PRKCG: variants seen among roughly 807,000 people sequenced by gnomAD.
The protein encoded by PRKCG is protein kinase C gamma type.
A neutral mutation model predicts 82.0 loss-of-function variants in PRKCG; 28 were observed. The observed-to-expected ratio is 0.34, with a 90% CI of 0.25 to 0.47. The LOEUF is 0.47. Among genes scored for constraint, PRKCG ranks in the 20% least tolerant of loss-of-function variants. The pLI, the probability that PRKCG is intolerant of heterozygous loss-of-function variation, is 1.00. For missense variants in PRKCG, 640 were observed against 952.7 expected, an observed-to-expected ratio of 0.67 and a Z score of 4.32; for synonymous variants, 383 against 376.6, an observed-to-expected ratio of 1.02 and a Z score of -0.20.
chr19:53,881,487 G>A (rs150941755), upstream of PRKCG, among the ~76,000 whole-genome samples: 2 of 151,902 alleles, frequency 1.3e-5, no homozygotes, highest in African/African-American at 4.8e-5. Flanking sequence ...AGACAGAGGC[G>A]GAAGAATTTA....
intron 3 of PRKCG, among the ~76,000 whole-genome samples, chr19:53,888,470 A>G (rs2068648257): frequency 6.6e-6 from 1 of 152,158 alleles, no homozygotes; most frequent in Non-Finnish European, 1.5e-5. Flanking sequence ...TTCAAAATAT[A>G]GATTATTTAT....
At position 53,892,553 on chromosome 19, in the gene PRKCG, T is replaced by C; in HGVS notation, c.731T>C (p.Val244Ala). 2 of 1,613,062 alleles carry C rather than the reference T, an allele frequency of 1.2e-6. No individual in the cohort carries two copies. The highest frequency in any genetic ancestry group is 1.7e-6 in the Non-Finnish European group (2 of 1,179,884). Residue 244 changes from valine (V) to alanine (A), a missense_variant, in exon 7 of 18, where the codon GTG becomes GCG. By Grantham distance (64) the Val-to-Ala change is moderately conservative (BLOSUM62 0). Around this residue, in one of 7 missense-constraint regions of PRKCG, gnomAD observed 261 missense variants for 312.1 expected, o/e 0.84. Coordinates refer to ENST00000263431, the MANE Select transcript of PRKCG (RefSeq NM_002739.5). The surrounding 1 kb of genome is among the most constrained non-coding windows in gnomAD (Gnocchi z 5.9). ...GDVERRLSVE[V>A]WDWDRTSRND... ...GTGGAGCGCCGGCTCAGCGTGGAGGTGTGGGACTGGGACCGGACCTCCCGC... is the reference window on the plus strand; with the variant it reads ...GTGGAGCGCCGGCTCAGCGTGGAGGCGTGGGACTGGGACCGGACCTCCCGC...
At position 53,883,226 on chromosome 19, in the gene PRKCG, C is replaced by T; in HGVS notation, c.202+32C>T. On this transcript the variant is annotated intron_variant, in intron 2 of 17. Transcript: ENST00000263431. The surrounding 1 kb of genome is among the most constrained non-coding windows in gnomAD (Gnocchi z 5.4). ...GCTGGGGACCGGGGCTCCTGGGACC[C>T]TCAGGAGGGTGGAGGCTGGGGCCCC... is the stretch of plus-strand genomic sequence containing the variant. 1 of 1,613,458 alleles carries T rather than the reference C, an allele frequency of 6.2e-7. No individual in the cohort carries two copies. The highest frequency in any genetic ancestry group is 8.5e-7 in the Non-Finnish European group (1 of 1,179,764).
intron 15 of PRKCG, 117 bp downstream of exon 15, chr19:53,903,270 A>ATGGTTCTGAAGT (rs1256188287): frequency 2.4e-6 from 2 of 830,632 alleles, no homozygotes; most frequent in African/African-American, 3.3e-5. Context: ...AGCGCTGTCC[A>ATGGTTCTGAAGT]TGGTTCTGAA....
chr19:53,893,020 A>T lies in PRKCG; in HGVS notation c.854A>T (p.Tyr285Phe). Residue 285 changes from tyrosine to phenylalanine, a missense_variant, in exon 8 of 18, where the codon TAT becomes TTT. Transcript: ENST00000263431. ...YKLLNQEEGE[Y>F]YNVPVADADN... The stretch of plus-strand genomic sequence containing the variant: ...TTACTGAACCAGGAGGAGGGCGAGT[A>T]TTACAATGTGCCGGTGGCCGATGCT... The T allele has an allele frequency of 1.9e-6, 3 of 1,614,024 alleles. No individual in the cohort carries two copies. Among genetic ancestry groups the T allele is most frequent in the Non-Finnish European group, 2.5e-6 (3 of 1,179,986 alleles).
At chr19:53,887,018 G>A (rs376791907) in intron 3 of PRKCG, among the ~76,000 whole-genome samples, 2 of 152,104 alleles carry the variant, frequency 1.3e-5, no homozygotes, top group African/African-American at 4.8e-5. Context: ...GAGGAAACGA[G>A]TGAATAGTGA....
At position 53,892,843 on chromosome 19, in the gene PRKCG, C is replaced by T. The variant is rs893461653; in HGVS notation, c.822-145C>T. On this transcript the variant is annotated intron_variant, in intron 7 of 17. Coordinates refer to ENST00000263431, the MANE Select transcript of PRKCG (RefSeq NM_002739.5). This position sits in a 1 kb window ranked among gnomAD's most constrained non-coding sequence, Gnocchi z 5.9. ...CTCTTCTTCTCCCCTCCCTTTCTCC[C>T]TCTCCCTCTCTTTTTATCTCACTCT... 5.7e-6 allele frequency: 6 copies of T among 1,046,186 alleles called. No individual in the cohort carries two copies. In the African/African-American group the frequency reaches 9.5e-5, roughly 17 times the overall value. The allele number at this position is 1,046,186 out of a possible 1,614,324, so 64.8% of individuals were successfully genotyped here. A position where few individuals can be genotyped will look rare whatever the true frequency, so the allele number is the denominator to read the frequency against.
In PRKCG at chr19:53,906,896, T is replaced by G; in HGVS notation, c.*1T>G. 6.2e-7 allele frequency: 1 copy of G among 1,612,798 alleles called. No individual in the cohort carries two copies. The highest frequency in any genetic ancestry group is 8.5e-7 in the Non-Finnish European group (1 of 1,179,750). ...CCCAGTGCCTGTGCCCGTCATGTAA[T>G]CTCACCCGCCGCCACTAGGTGTCCC... On this transcript the variant is annotated 3_prime_UTR_variant, in exon 18 of 18. Transcript: ENST00000263431.
Position 53,907,107 on chromosome 19 carries a change from TGAGCGGAGCCC to T in PRKCG, c.*215_*225del, listed in dbSNP as rs918473976. 12 of 1,153,602 alleles carry T rather than the reference TGAGCGGAGCCC, an allele frequency of 1.0e-5. No individual in the cohort carries two copies. The African/African-American group carries it at 1.7e-4, about 16-fold the overall frequency. The allele number at this position is 1,153,602 out of a possible 1,614,324, so 71.5% of individuals were successfully genotyped here. ...CTACAGCCGTCCCGCGTTCAAGACT[TGAGCGGAGCCC>T]GATATTCTCCCTGACCTTAGCGTTC... On this transcript the variant is annotated 3_prime_UTR_variant, in exon 18 of 18. Coordinates refer to ENST00000263431, the MANE Select transcript of PRKCG (RefSeq NM_002739.5).
chr19:53,898,046 C>A lies in PRKCG; in HGVS notation c.1027C>A (p.Pro343Thr), dbSNP rs1359724204. 6.2e-7 allele frequency: 1 copy of A among 1,614,142 alleles called. No individual in the cohort carries two copies. The highest frequency in any genetic ancestry group is 8.5e-7 in the Non-Finnish European group (1 of 1,180,026). ...DPKRCFFGAS[P>T]GRLHISDFSF... ...CAAGCGCTGCTTCTTCGGGGCGAGTCCAGGACGCCTGCACATCTCCGACTT... is the reference window on the plus strand; with the variant it reads ...CAAGCGCTGCTTCTTCGGGGCGAGTACAGGACGCCTGCACATCTCCGACTT... Residue 343 changes from proline (P) to threonine (T), a missense_variant, in exon 10 of 18, where the codon CCA becomes ACA. Physicochemically the swap from Pro to Thr is conservative, Grantham distance 38 (BLOSUM62 -1). Around this residue, in one of 7 missense-constraint regions of PRKCG, gnomAD observed 261 missense variants for 312.1 expected, o/e 0.84. Transcript: ENST00000263431.
In PRKCG at chr19:53,889,652, A is replaced by C; in HGVS notation, c.300A>C (p.Lys100Asn). The C allele has an allele frequency of 6.2e-7, 1 of 1,614,032 alleles. No homozygotes were observed. Among genetic ancestry groups the C allele is most frequent in the Non-Finnish European group, 8.5e-7 (1 of 1,179,986 alleles). ...TCTGCCCCCAGGACCCCCGGAACAA[A>C]CACAAGTTCCGCCTGCATAGCTACA... The part of the protein sequence containing the change: ...KGPQTDDPRN[K>N]HKFRLHSYSS... The change falls in exon 4 of 18, where the codon AAA becomes AAC. Residue 100 changes from lysine to asparagine, a missense_variant. By Grantham distance (94) the Lys-to-Asn change is moderately conservative. Transcript: ENST00000263431. The surrounding 1 kb of genome is among the most constrained non-coding windows in gnomAD (Gnocchi z 4.4).
chr19:53,906,118 CTT>C lies in PRKCG; in HGVS notation c.1765-196_1765-195del, dbSNP rs1568764129. Among the ~76,000 whole-genome samples the C allele has an allele frequency of 6.8e-4, 56 of 82,730 alleles. 1 individual carries two copies. Among genetic ancestry groups the C allele is most frequent in the African/African-American group, 5.6e-3 (52 of 9,254 alleles). The allele number at this position is 82,730 out of a possible 152,430, so 54.3% of individuals were successfully genotyped here. On this transcript the variant is annotated intron_variant, in intron 16 of 17. Transcript: ENST00000263431. ...TCTTCTTCTTCTTCTTCTTCTTCTT[CTT>C]TTCTTCTCTCTCTCTCTCCTTTCTT...
At chr19:53,899,636 G>T (rs1319690107) in intron 11 of PRKCG, among the ~76,000 whole-genome samples, 5 of 151,948 alleles carry the variant, frequency 3.3e-5, no homozygotes, top group Admixed American at 6.6e-5. Context: ...CCCCAGGCTG[G>T]AGTGCAATGG....
Position 53,889,263 on chromosome 19 carries a change from G to C in PRKCG, c.286-375G>C, listed in dbSNP as rs973441595. Among the ~76,000 whole-genome samples the C allele has an allele frequency of 6.6e-6, 1 of 151,960 alleles. No individual in the cohort carries two copies. The highest frequency in any genetic ancestry group is 1.5e-5 in the Non-Finnish European group (1 of 67,984). ...GCCACCGCACCCAGCCAGGACCACC[G>C]TATTTAAAATTTCAATCCCCCAACT... On this transcript the variant is annotated intron_variant, in intron 3 of 17. Transcript: ENST00000263431. This position sits in a 1 kb window ranked among gnomAD's most constrained non-coding sequence, Gnocchi z 4.4.
chr19:53,898,723 G>GCACA, intron 11 of PRKCG, 95 bp downstream of exon 11: 1 of 1,158,206 alleles, frequency 8.6e-7, no homozygotes, highest in Non-Finnish European at 1.2e-6. Flanking sequence ...CGAGGCAAGA[G>GCACA]AACTTTGTGC....
Position 53,898,056 on chromosome 19 carries a change from T to C in PRKCG, c.1037T>C (p.Leu346Pro), listed in dbSNP as rs768896658. 1.2e-6 allele frequency: 2 copies of C among 1,614,082 alleles called. No homozygotes were observed. Among genetic ancestry groups the C allele is most frequent in the Middle Eastern group, 3.3e-4 (2 of 6,062 alleles). ...TTCTTCGGGGCGAGTCCAGGACGCC[T>C]GCACATCTCCGACTTCAGCTTCCTC... ...RCFFGASPGR[L>P]HISDFSFLMV... is the part of the protein sequence containing the mutation. The change falls in exon 10 of 18, where the codon CTG becomes CCG. Residue 346 changes from leucine to proline, a missense_variant. By Grantham distance (98) the Leu-to-Pro change is moderately conservative (BLOSUM62 -3). Around this residue, in one of 7 missense-constraint regions of PRKCG, gnomAD observed 261 missense variants for 312.1 expected, o/e 0.84. Coordinates refer to ENST00000263431, the MANE Select transcript of PRKCG (RefSeq NM_002739.5).
chr19:53,885,746 C>T (rs780211713), intron 3 of PRKCG, among the ~76,000 whole-genome samples: 7 of 152,052 alleles, frequency 4.6e-5, no homozygotes, highest in Non-Finnish European at 1.0e-4. Context: ...ACCACCCTCT[C>T]AGCTGAAAAT....
At position 53,907,565 on chromosome 19, in the gene PRKCG, T is replaced by C. The variant is rs186000310; in HGVS notation, c.*670T>C. The C allele has an allele frequency of 1.8e-3, 282 of 154,554 alleles. No individual in the cohort carries two copies. The highest frequency in any genetic ancestry group is 3.3e-3 in the Middle Eastern group (1 of 302). 9.6% of individuals were successfully genotyped at this position (154,554 alleles called of 1,614,324 possible). A position where few individuals can be genotyped will look rare whatever the true frequency, so the allele number is the denominator to read the frequency against. ...ACTCTCCCCAGTGCCTGCCACTCTCTGGGACTCTCCTCCTCCCCTCCTCTT... is the reference window on the plus strand; with the variant it reads ...ACTCTCCCCAGTGCCTGCCACTCTCCGGGACTCTCCTCCTCCCCTCCTCTT... On this transcript the variant is annotated 3_prime_UTR_variant, in exon 18 of 18. Transcript: ENST00000263431.
chr19:53,895,429 A>G (rs1232929625), intron 9 of PRKCG, among the ~76,000 whole-genome samples: 1 of 148,538 alleles, frequency 6.7e-6, no homozygotes, highest in Admixed American at 6.8e-5. Context: ...TAGAGGCTGC[A>G]GTGAGCCCAG....
Sources: gnomAD v4.1 joint callset for allele counts (sites outside exome capture counted in the v4.1 genomes callset) on GRCh38, gnomAD v4.1.1 for gene constraint, gnomAD v4.1.1 regional missense constraint, Gnocchi (gnomAD v3.1) non-coding constraint, MANE v1.5 for transcripts, NCBI Gene and HGNC (gene_info 2026-07-23, HGNC 2026-07-21) for gene names.